The following LDHAL6A variants were observed in gnomAD, a reference collection of about 807,000 sequenced individuals.
The protein encoded by LDHAL6A is L-lactate dehydrogenase A-like 6A.
In LDHAL6A, 19 loss-of-function variants were observed where a neutral mutation model predicts 28.2. The ratio of observed to expected loss-of-function variants is 0.67; its 90% CI spans 0.47 to 0.99. The LOEUF (loss-of-function observed/expected upper bound fraction) is 0.99. LDHAL6A is among the 50% of genes least tolerant of loss of function. LDHAL6A has a pLI of 0.00. For missense variants in LDHAL6A, 372 were observed against 398.6 expected, an observed-to-expected ratio of 0.93 and a Z score of 0.57; for synonymous variants, 144 against 134.4, an observed-to-expected ratio of 1.07 and a Z score of -0.49.
Position 18,475,480 on chromosome 11 carries a change from T to C in LDHAL6A, c.433T>C (p.Tyr145His). The change falls in exon 4 of 7, where the codon TAT becomes CAT. Residue 145 changes from tyrosine (Y) to histidine (H), a missense_variant. By Grantham distance (83) the Tyr-to-His change is moderately conservative (BLOSUM62 2). Coordinates refer to ENST00000280706, the MANE Select transcript of LDHAL6A (RefSeq NM_144972.5). ...IVTNPVDILT[Y>H]VAWKLSGFPK... is the part of the protein sequence containing the mutation. ...TTTCTTCTTAGTGGATATCTTAACT[T>C]ATGTAGCCTGGAAGTTGAGTGGATT... The C allele has an allele frequency of 6.2e-7, 1 of 1,613,554 alleles. No individual in the cohort carries two copies. The highest frequency in any genetic ancestry group is 8.5e-7 in the Non-Finnish European group (1 of 1,179,526).
chr11:18,469,251 G>A (rs1408768717), intron 3 of LDHAL6A: 1 of 596,328 alleles, frequency 1.7e-6, no homozygotes, highest in Non-Finnish European at 2.9e-6. Context: ...TTTACTGTTT[G>A]TGTTAAGTGA....
At chr11:18,469,153 C>A in intron 3 of LDHAL6A, 1 of 603,010 alleles carries the variant, frequency 1.7e-6, no homozygotes, top group Non-Finnish European at 2.9e-6. Flanking sequence ...TGATATGACT[C>A]AGAGTTGTGA....
chr11:18,456,913 T>A (rs1342444253), intron 1 of LDHAL6A, 107 bp downstream of exon 1: 6 of 1,178,418 alleles, frequency 5.1e-6, no homozygotes, highest in Non-Finnish European at 5.8e-6. Context: ...GGGGAGCCAG[T>A]GTGAGGGGCA....
intron 2 of LDHAL6A, among the ~76,000 whole-genome samples, chr11:18,464,762 G>A (rs1316867066): frequency 2.0e-5 from 3 of 151,040 alleles, no homozygotes; most frequent in Non-Finnish European, 2.9e-5. Flanking sequence ...ACTCAGTTCT[G>A]TTTGATTCCA....
intron 3 of LDHAL6A, among the ~76,000 whole-genome samples, chr11:18,470,206 T>A (rs531873018): frequency 1.3e-5 from 2 of 152,350 alleles, no homozygotes; most frequent in African/African-American, 4.8e-5. Context: ...ATTATAGGCG[T>A]GAGCCACCGC....
rs1849195378 is a variant in LDHAL6A at position 18,469,102 on chromosome 11, G to T, written c.418+3292G>T. The T allele has an allele frequency of 2.3e-5, 11 of 481,854 alleles. No individual in the cohort carries two copies. In the South Asian group the frequency reaches 3.9e-4, roughly 17 times the overall value. The allele number at this position is 481,854 out of a possible 1,614,324, so 29.8% of individuals were successfully genotyped here. A position where few individuals can be genotyped will look rare whatever the true frequency, so the allele number is the denominator to read the frequency against. On this transcript the variant is annotated intron_variant, in intron 3 of 6. Coordinates refer to ENST00000280706, the MANE Select transcript of LDHAL6A (RefSeq NM_144972.5). ...AGTAAGTTTTTTCACATCCTGAAAT[G>T]TCACGGTGTCATTTTTGAAAGGAGA...
At chr11:18,466,364 A>G (rs1036151116) in intron 3 of LDHAL6A, among the ~76,000 whole-genome samples, 4 of 152,286 alleles carry the variant, frequency 2.6e-5, no homozygotes, top group African/African-American at 9.6e-5. Context: ...AAAAAATACT[A>G]GTGTGAGGCC....
At chr11:18,459,992 A>C (rs1254689369) in intron 1 of LDHAL6A, among the ~76,000 whole-genome samples, 2 of 152,214 alleles carry the variant, frequency 1.3e-5, no homozygotes, top group Admixed American at 1.3e-4. Flanking sequence ...TCCCGGCTAC[A>C]TACTGTCATG....
rs1276045711 is a variant in LDHAL6A, at chr11:18,476,516, T to G, written c.710+15T>G. 6.2e-7 allele frequency: 1 copy of G among 1,612,536 alleles called. No homozygotes were observed. The highest frequency in any genetic ancestry group is 1.1e-5 in the South Asian group (1 of 90,796). On this transcript the variant is annotated intron_variant, in intron 5 of 6. Transcript: ENST00000280706. ...GTGATTTCCAGGTAATATGCTAGTT[T>G]CACATTTTCAGTACCTTAGAAGTTG...
At chr11:18,463,242 G>T (rs1848971376) in intron 1 of LDHAL6A, among the ~76,000 whole-genome samples, 1 of 152,108 alleles carries the variant, frequency 6.6e-6, no homozygotes, top group African/African-American at 2.4e-5. Flanking sequence ...TTAATCTATG[G>T]ATGAATGGGT....
intron 3 of LDHAL6A, among the ~76,000 whole-genome samples, chr11:18,467,880 C>CATATATAT (rs1161164040): frequency 2.0e-4 from 9 of 44,406 alleles, no homozygotes; most frequent in African/African-American, 1.3e-3. Flanking sequence ...TATATACACA[C>CATATATAT]ATATATATAT....
chr11:18,464,490 G>A (rs1307050875), intron 2 of LDHAL6A, among the ~76,000 whole-genome samples: 1 of 152,174 alleles, frequency 6.6e-6, no homozygotes, highest in African/African-American at 2.4e-5. Context: ...CAAGGCAGGT[G>A]GATCACCTGA....
intron 1 of LDHAL6A, among the ~76,000 whole-genome samples, chr11:18,457,119 G>A (rs1848779781): frequency 6.6e-6 from 1 of 152,170 alleles, no homozygotes; most frequent in South Asian, 2.1e-4. Context: ...GAGAGAAATA[G>A]GTGGCAGAAA....
At chr11:18,475,973 T>C (rs1259720028) in intron 4 of LDHAL6A, among the ~76,000 whole-genome samples, 1 of 140,068 alleles carries the variant, frequency 7.1e-6, no homozygotes, top group Non-Finnish European at 1.5e-5. Flanking sequence ...TAGTAGGCAG[T>C]CTTCAGATTA....
Position 18,475,657 on chromosome 11 carries a change from T to A in LDHAL6A, c.592+18T>A. ...CTCAAGTGGTAAGCCTGAGGCACGA[T>A]TGAGCCTCTGAAATATCTATTTCCT... On this transcript the variant is annotated intron_variant, in intron 4 of 6. Transcript: ENST00000280706. 5.0e-6 allele frequency: 8 copies of A among 1,600,182 alleles called. No individual in the cohort carries two copies. The highest frequency in any genetic ancestry group is 6.8e-6 in the Non-Finnish European group (8 of 1,173,472).
At chr11:18,473,302 A>G (rs1849293278) in intron 3 of LDHAL6A, among the ~76,000 whole-genome samples, 1 of 152,216 alleles carries the variant, frequency 6.6e-6, no homozygotes. Context: ...AGTAGGCATT[A>G]GCAGTTTTCT....
At chr11:18,470,421 A>G (rs1454518347) in intron 3 of LDHAL6A, among the ~76,000 whole-genome samples, 2 of 152,216 alleles carry the variant, frequency 1.3e-5, no homozygotes, top group Non-Finnish European at 2.9e-5. Flanking sequence ...TGTAATATGT[A>G]TAGGTAGCAT....
intron 1 of LDHAL6A, 120 bp from the exon 2 acceptor site, chr11:18,463,841 G>A (rs1848983545): frequency 1.5e-6 from 1 of 660,970 alleles, no homozygotes; most frequent in East Asian, 2.6e-5. Flanking sequence ...CATTTATTAT[G>A]TTTCCTTTGA....
Position 18,467,970 on chromosome 11 carries a change from TATATATATACGTATATATATGC to T in LDHAL6A, c.418+2181_418+2202del, listed in dbSNP as rs1272579315. Among the ~76,000 whole-genome samples, 24 of 38,094 alleles carry T rather than the reference TATATATATACGTATATATATGC, an allele frequency of 6.3e-4. 1 individual carries two copies. Among genetic ancestry groups the T allele is most frequent in the African/African-American group, 7.9e-4 (5 of 6,318 alleles). The allele number at this position is 38,094 out of a possible 152,430, so 25.0% of individuals were successfully genotyped here. On this transcript the variant is annotated intron_variant, in intron 3 of 6. Transcript: ENST00000280706. ...ATATATATATACGTATATATATACG[TATATATATACGTATATATATGC>T]ATATATATACGTATATATATACATA...
Sources: allele counts gnomAD v4.1 joint callset (sites outside exome capture counted in the v4.1 genomes callset), GRCh38; gene constraint gnomAD v4.1.1; transcripts MANE v1.5; gene names NCBI Gene and HGNC (gene_info 2026-07-23, HGNC 2026-07-21).